The following DOCK1 variants were observed in gnomAD, a reference collection of about 807,000 sequenced individuals.
DOCK1 encodes dedicator of cytokinesis 1.
DOCK1 carries 138 observed loss-of-function variants against 262.7 expected under a neutral mutation model. The observed-to-expected ratio is 0.53, with a 90% confidence interval of 0.46 to 0.61. DOCK1 has a LOEUF of 0.61. Ranked by LOEUF, DOCK1 falls within the 20% of genes least tolerant of loss-of-function variation. DOCK1 has a pLI of 0.00. For synonymous variants in DOCK1, 866 were observed against 867.4 expected (o/e 1.00, Z 0.03); for missense variants, 1,908 against 2,370.7 (o/e 0.80, Z 4.05).
intron 27 of DOCK1, among the ~76,000 whole-genome samples, chr10:127,205,358 G>A (rs748882602): frequency 6.6e-6 from 1 of 152,216 alleles, no homozygotes; most frequent in East Asian, 1.9e-4. Context: ...TGGCCTGCCT[G>A]GTTCATCCTC....
rs74721427 is a variant in DOCK1 at position 127,130,065 on chromosome 10, C to CTTTTTTTTTTTTT, written c.2847+2320_2847+2332dup. Reference sequence around the variant, plus strand: ...CAATCCTGCCTCCAGTTAGGGTCTTCTTTTTTTTTTTTTTTTTTTTTTTTT... The same window carrying CTTTTTTTTTTTTT: ...CAATCCTGCCTCCAGTTAGGGTCTTCTTTTTTTTTTTTTTTTTTTTTTTTTTTTTTTTTTTTTT... On this transcript the variant is annotated intron_variant, in intron 27 of 51. Transcript: ENST00000623213. Among the ~76,000 whole-genome samples, 12 of 117,542 alleles carry CTTTTTTTTTTTTT rather than the reference C, an allele frequency of 1.0e-4. 1 individual carries two copies. Among genetic ancestry groups the CTTTTTTTTTTTTT allele is most frequent in the African/African-American group, 4.3e-4 (11 of 25,326 alleles). The allele number at this position is 117,542 out of a possible 152,430, so 77.1% of individuals were successfully genotyped here.
intron 29 of DOCK1, among the ~76,000 whole-genome samples, chr10:127,325,934 T>C (rs2062730231): frequency 6.6e-6 from 1 of 152,174 alleles, no homozygotes; most frequent in East Asian, 1.9e-4. Flanking sequence ...GTCACACAGA[T>C]TTTTTGGTTT....
intron 29 of DOCK1, among the ~76,000 whole-genome samples, chr10:127,297,693 T>C (rs996936351): frequency 6.6e-6 from 1 of 152,186 alleles, no homozygotes; most frequent in Admixed American, 6.5e-5. Context: ...TCTAGTTATG[T>C]TTTAGCACCT....
intron 1 of DOCK1, among the ~76,000 whole-genome samples, chr10:126,967,215 T>A (rs2037739331): frequency 6.6e-6 from 1 of 152,182 alleles, no homozygotes; most frequent in Non-Finnish European, 1.5e-5. Context: ...CCATTTGTCA[T>A]CCTCATCCTT....
At position 127,211,849 on chromosome 10, in the gene DOCK1, C is replaced by T. The variant is rs188957656; in HGVS notation, c.2848-36159C>T. ...GTCCCTGCACACACCTGCCTTTCCC[C>T]GCTGCTGGACTCTTGCAAATCATTT... On this transcript the variant is annotated intron_variant, in intron 27 of 51. Coordinates refer to ENST00000623213, the MANE Select transcript of DOCK1 (RefSeq NM_001290223.2). Among the ~76,000 whole-genome samples the T allele has an allele frequency of 9.2e-4, 140 of 152,262 alleles. No homozygotes were observed. The South Asian group carries it at 0.013, about 14-fold the overall frequency.
chr10:127,047,967 C>A (rs2044456361), intron 21 of DOCK1, among the ~76,000 whole-genome samples: 1 of 152,164 alleles, frequency 6.6e-6, no homozygotes, highest in Non-Finnish European at 1.5e-5. Flanking sequence ...AATAAGGCTG[C>A]GATGAATATT....
intron 29 of DOCK1, among the ~76,000 whole-genome samples, chr10:127,289,337 C>T (rs1387630123): frequency 6.6e-6 from 1 of 152,138 alleles, no homozygotes; most frequent in African/African-American, 2.4e-5. Flanking sequence ...CATGCATATT[C>T]ATATTTTCTT....
intron 29 of DOCK1, among the ~76,000 whole-genome samples, chr10:127,300,347 T>C (rs901805660): frequency 7.9e-5 from 12 of 152,196 alleles, no homozygotes; most frequent in South Asian, 4.1e-4. Flanking sequence ...CTAAAGCTTC[T>C]TGGGAAAAGC....
intron 27 of DOCK1, among the ~76,000 whole-genome samples, chr10:127,212,552 CT>C (rs2058026975): frequency 6.6e-6 from 1 of 152,088 alleles, no homozygotes. Flanking sequence ...AATTATTTTT[CT>C]TTAGCTCCCT....
chr10:127,396,883 C>T (rs2066885818), intron 38 of DOCK1, among the ~76,000 whole-genome samples: 3 of 152,168 alleles, frequency 2.0e-5, no homozygotes, highest in South Asian at 2.1e-4. Context: ...ATAAGTGACC[C>T]GGGCAGTGAC....
chr10:127,092,632 C>G (rs2047605023), intron 23 of DOCK1, among the ~76,000 whole-genome samples: 2 of 151,992 alleles, frequency 1.3e-5, no homozygotes, highest in Admixed American at 1.3e-4. Flanking sequence ...TTGGTACCCA[C>G]CACCACGCCT....
At chr10:127,400,183 CAAA>C (rs35762721) in intron 38 of DOCK1, among the ~76,000 whole-genome samples, 1 of 143,654 alleles carries the variant, frequency 7.0e-6, no homozygotes, top group Non-Finnish European at 1.5e-5. Context: ...TTACTCTCAT[CAAA>C]AAAAAAAAAA....
intron 38 of DOCK1, among the ~76,000 whole-genome samples, chr10:127,391,218 T>A (rs894123229): frequency 7.9e-5 from 12 of 152,196 alleles, no homozygotes; most frequent in African/African-American, 2.7e-4. Flanking sequence ...CAAGATATGA[T>A]GTTTTTTTCC....
intron 29 of DOCK1, among the ~76,000 whole-genome samples, chr10:127,260,549 T>C (rs1205793361): frequency 6.6e-6 from 1 of 152,156 alleles, no homozygotes; most frequent in Non-Finnish European, 1.5e-5. Flanking sequence ...CCATGGGAGC[T>C]TCCTGCAGAG....
At chr10:127,016,966 A>AATAC in intron 12 of DOCK1, among the ~76,000 whole-genome samples, 1 of 126,728 alleles carries the variant, frequency 7.9e-6, no homozygotes, top group Non-Finnish European at 1.7e-5. Context: ...ATATACCACA[A>AATAC]ATACATACAC....
chr10:127,395,068 T>G (rs185704611), intron 38 of DOCK1, among the ~76,000 whole-genome samples: 1 of 152,192 alleles, frequency 6.6e-6, no homozygotes, highest in Admixed American at 6.5e-5. Flanking sequence ...AGTGTGAGAA[T>G]AGCGCCAGAA....
chr10:127,447,353 G>A (rs752597312), intron 50 of DOCK1, 41 bp from the exon 51 acceptor site: 2 of 1,592,370 alleles, frequency 1.3e-6, no homozygotes, highest in Non-Finnish European at 1.7e-6. Flanking sequence ...CAGGCTCCGT[G>A]GGGAAGTCGG....
intron 29 of DOCK1, among the ~76,000 whole-genome samples, chr10:127,291,841 A>C (rs1207502048): frequency 6.6e-6 from 1 of 152,204 alleles, no homozygotes; most frequent in African/African-American, 2.4e-5. Context: ...ATGCAGACAT[A>C]AATCATCTTT....
chr10:126,962,315 A>G (rs916166251), intron 1 of DOCK1, among the ~76,000 whole-genome samples: 10 of 152,212 alleles, frequency 6.6e-5, no homozygotes, highest in Non-Finnish European at 1.5e-5. Flanking sequence ...GCGTGCCGCC[A>G]TGCCCGACTA....
Sources: gnomAD v4.1 joint callset for allele counts (sites outside exome capture counted in the v4.1 genomes callset) on GRCh38, gnomAD v4.1.1 for gene constraint, MANE v1.5 for transcripts, NCBI Gene and HGNC (gene_info 2026-07-23, HGNC 2026-07-21) for gene names.